Variants in HLCS observed in about 807,000 individuals in gnomAD.
HLCS encodes biotin--protein ligase.
HLCS carries 53 observed loss-of-function variants against 75.0 expected under a neutral mutation model. The observed-to-expected ratio is 0.71, with a 90% confidence interval of 0.57 to 0.89. The LOEUF (loss-of-function observed/expected upper bound fraction) is 0.89. Ranked by LOEUF, HLCS falls within the 40% of genes least tolerant of loss-of-function variation. The pLI, the probability that HLCS is intolerant of heterozygous loss-of-function variation, is 0.00. For synonymous variants in HLCS, 431 were observed against 428.6 expected (o/e 1.01, Z -0.07); for missense variants, 966 against 1,074.0 (o/e 0.90, Z 1.41).
At chr21:36,764,901 G>A (rs996027468) in intron 8 of HLCS, 111 bp downstream of exon 8, 2 of 1,186,406 alleles carry the variant, frequency 1.7e-6, no homozygotes, top group Non-Finnish European at 1.2e-6. Flanking sequence ...CTGTGCAAAG[G>A]GTAGGCTGAG....
intron 6 of HLCS, among the ~76,000 whole-genome samples, chr21:36,859,978 G>A (rs2063328429): frequency 1.3e-5 from 2 of 152,210 alleles, no homozygotes; most frequent in African/African-American, 4.8e-5. Context: ...GTTCCTTGCA[G>A]GTCGCATATT....
At chr21:36,864,111 A>G (rs1305193364) in intron 6 of HLCS, among the ~76,000 whole-genome samples, 1 of 152,230 alleles carries the variant, frequency 6.6e-6, no homozygotes, top group African/African-American at 2.4e-5. Context: ...TCTAAAGTGC[A>G]TGAACAGGCT....
At chr21:36,984,425 C>T (rs1488365247) in intron 1 of HLCS, among the ~76,000 whole-genome samples, 1 of 152,178 alleles carries the variant, frequency 6.6e-6, no homozygotes, top group African/African-American at 2.4e-5. Flanking sequence ...GATACCACAA[C>T]AGTCGATCTG....
chr21:36,942,821 T>TA (rs1444501583), intron 2 of HLCS, among the ~76,000 whole-genome samples: 1 of 151,696 alleles, frequency 6.6e-6, no homozygotes, highest in African/African-American at 2.4e-5. Flanking sequence ...TCCCAGCTAC[T>TA]AGGGAGGCTG....
intron 6 of HLCS, among the ~76,000 whole-genome samples, chr21:36,794,225 A>G (rs1240020533): frequency 6.6e-6 from 1 of 152,214 alleles, no homozygotes; most frequent in Admixed American, 6.5e-5. Context: ...GCACCCAGGG[A>G]GCTGGCATTC....
At chr21:36,826,614 A>G (rs1167802133) in intron 6 of HLCS, among the ~76,000 whole-genome samples, 2 of 152,180 alleles carry the variant, frequency 1.3e-5, no homozygotes, top group African/African-American at 4.8e-5. Context: ...CTCATCTCCA[A>G]CTAGCACAGG....
rs148344437 is a variant in HLCS, at chr21:36,935,419, ATGTT to A, written c.1437+1026_1437+1029del. On this transcript the variant is annotated intron_variant, in intron 4 of 10. Coordinates refer to ENST00000674895, the MANE Select transcript of HLCS (RefSeq NM_001352514.2). ...AAACAAATATATACTCTGGAAAAAAATGTTTGGCCAGAAAATTCAAGAAACTTAG... is the reference window on the plus strand; with the variant it reads ...AAACAAATATATACTCTGGAAAAAAATGGCCAGAAAATTCAAGAAACTTAG... 7.8e-3 allele frequency among the ~76,000 whole-genome samples: 1,187 copies of A among 152,314 alleles called. 13 individuals carry two copies. The highest frequency in any genetic ancestry group is 0.027 in the African/African-American group (1,129 of 41,564).
chr21:36,916,335 A>AT (rs930353691), intron 5 of HLCS, among the ~76,000 whole-genome samples: 4 of 151,884 alleles, frequency 2.6e-5, no homozygotes, highest in Non-Finnish European at 5.9e-5. Context: ...CGGCTGTAAG[A>AT]TTTTTTTATG....
intron 2 of HLCS, among the ~76,000 whole-genome samples, chr21:36,955,192 G>C (rs890008239): frequency 6.6e-6 from 1 of 152,204 alleles, no homozygotes; most frequent in African/African-American, 2.4e-5. Context: ...GACCTTCCAG[G>C]AGGACACATG....
At chr21:36,788,263 C>T (rs758660540) in intron 6 of HLCS, among the ~76,000 whole-genome samples, 2 of 152,220 alleles carry the variant, frequency 1.3e-5, no homozygotes, top group African/African-American at 2.4e-5. Flanking sequence ...CACTCCCACA[C>T]ATGCTGTGCC....
intron 6 of HLCS, among the ~76,000 whole-genome samples, chr21:36,844,535 C>A (rs916185899): frequency 1.1e-4 from 16 of 152,156 alleles, no homozygotes; most frequent in Non-Finnish European, 2.2e-4. Flanking sequence ...ATCATTTCTG[C>A]AGGAAACACC....
At chr21:36,760,141 T>C (rs1411604604) in intron 8 of HLCS, among the ~76,000 whole-genome samples, 1 of 152,170 alleles carries the variant, frequency 6.6e-6, no homozygotes, top group Non-Finnish European at 1.5e-5. Context: ...ATGAAGTTCA[T>C]TATGTCAGTA....
chr21:36,833,625 C>T (rs1386719338), intron 6 of HLCS, among the ~76,000 whole-genome samples: 2 of 143,878 alleles, frequency 1.4e-5, no homozygotes, highest in East Asian at 2.0e-4. Flanking sequence ...TTGATTTGGA[C>T]ACTGACTCTG....
chr21:36,862,520 C>T (rs2063414476), intron 6 of HLCS, among the ~76,000 whole-genome samples: 1 of 152,136 alleles, frequency 6.6e-6, no homozygotes, highest in Non-Finnish European at 1.5e-5. Context: ...TTGGCATCTC[C>T]CTGATGGCTA....
intron 4 of HLCS, among the ~76,000 whole-genome samples, chr21:36,932,417 G>A (rs2066688430): frequency 6.6e-6 from 1 of 152,156 alleles, no homozygotes; most frequent in Non-Finnish European, 1.5e-5. Flanking sequence ...CGATTTCTTG[G>A]ACACCAGAAA....
intron 6 of HLCS, among the ~76,000 whole-genome samples, chr21:36,817,833 T>C (rs2061707932): frequency 6.6e-6 from 1 of 152,230 alleles, no homozygotes; most frequent in Non-Finnish European, 1.5e-5. Context: ...CTAAACTTAA[T>C]TAGTCCAACG....
intron 4 of HLCS, among the ~76,000 whole-genome samples, chr21:36,934,202 TGTAAA>T (rs1469362504): frequency 6.6e-6 from 1 of 152,108 alleles, no homozygotes; most frequent in Non-Finnish European, 1.5e-5. Flanking sequence ...CTTGGCTTCT[TGTAAA>T]AATAAGACTT....
At chr21:36,979,285 A>G (rs544209662) in intron 1 of HLCS, among the ~76,000 whole-genome samples, 3,089 of 125,146 alleles carry the variant, frequency 0.025, 81 homozygotes, top group African/African-American at 0.084. Context: ...AAAAAAAAAA[A>G]AAAGAAAGAA....
rs145222777 is a variant in HLCS at position 36,958,928 on chromosome 21, G to A, written c.330+3108C>T. Among the ~76,000 whole-genome samples, 636 of 152,304 alleles carry A rather than the reference G, an allele frequency of 4.2e-3. 2 individuals are homozygous for A. The highest frequency in any genetic ancestry group is 0.015 in the African/African-American group (607 of 41,562). Reference sequence around the variant, plus strand: ...AATAATGATAATACTTTGTAGAGCCGTTAAGTATTAGTGATGACAGCTGCA... The same window carrying A: ...AATAATGATAATACTTTGTAGAGCCATTAAGTATTAGTGATGACAGCTGCA... On this transcript the variant is annotated intron_variant, in intron 2 of 10. Coordinates refer to ENST00000674895, the MANE Select transcript of HLCS (RefSeq NM_001352514.2).
Sources: gnomAD v4.1 joint callset for allele counts (sites outside exome capture counted in the v4.1 genomes callset) on GRCh38, gnomAD v4.1.1 for gene constraint, MANE v1.5 for transcripts, NCBI Gene and HGNC (gene_info 2026-07-23, HGNC 2026-07-21) for gene names.